CGGBP1: variants seen among roughly 807,000 people sequenced by gnomAD.
CGGBP1 encodes CGG triplet repeat-binding protein 1.
A neutral mutation model predicts 11.4 loss-of-function variants in CGGBP1; 4 were observed. The observed-to-expected ratio is 0.35, with a 90% CI of 0.17 to 0.80. The LOEUF is 0.80. Ranked by LOEUF, CGGBP1 falls within the 30% of genes least tolerant of loss-of-function variation. CGGBP1 has a pLI of 0.52. For missense variants in CGGBP1, 135 were observed against 202.1 expected (o/e 0.67, Z 2.01); for synonymous variants, 76 against 74.1 (o/e 1.03, Z -0.13).
At chr3:88,068,053 C>T (rs139170884) in intron 2 of CGGBP1, among the ~76,000 whole-genome samples, 2 of 152,092 alleles carry the variant, frequency 1.3e-5, no homozygotes, top group East Asian at 3.9e-4. Flanking sequence ...AGGGGTGTTG[C>T]TTTATATAGG....
rs967282825 is a variant in CGGBP1 at position 88,058,940 on chromosome 3, T to C, written c.-456A>G. 34 of 202,432 alleles carry C rather than the reference T, an allele frequency of 1.7e-4. No homozygotes were observed. The Admixed American group carries it at 2.0e-3, about 12-fold the overall frequency. 12.5% of individuals were successfully genotyped at this position (202,432 alleles called of 1,614,324 possible). On this transcript the variant is annotated 5_prime_UTR_variant, in exon 1 of 4. Transcript: ENST00000482016. ...CCGTCGCTGCCGCCGTCGCCGCCGT[T>C]GCCCGATCGAGCCCCGCGGCGGCCG...
chr3:88,066,589 A>G (rs75385040), intron 2 of CGGBP1, among the ~76,000 whole-genome samples: 1 of 151,746 alleles, frequency 6.6e-6, no homozygotes, highest in Non-Finnish European at 1.5e-5. Context: ...CAAAAAAAAC[A>G]AAAAAACCTC....
intron 2 of CGGBP1, among the ~76,000 whole-genome samples, chr3:88,107,010 A>G (rs1238731102): frequency 6.6e-6 from 1 of 152,200 alleles, no homozygotes; most frequent in African/African-American, 2.4e-5. Flanking sequence ...TTAATTATAG[A>G]GGCTTTACAA....
chr3:88,059,540 C>T (rs747811840), upstream of CGGBP1: 44 of 1,456,990 alleles, frequency 3.0e-5, no homozygotes, highest in Middle Eastern at 7.1e-4. Context: ...ACTTGTCACC[C>T]GGGTCCTGGG....
Position 88,140,944 on chromosome 3 carries a change from G to T in CGGBP1, c.-229+26C>A. The T allele has an allele frequency of 6.2e-7, 1 of 1,613,496 alleles. No homozygotes were observed. The highest frequency in any genetic ancestry group is 8.5e-7 in the Non-Finnish European group (1 of 1,179,600). On this transcript the variant is annotated intron_variant, in intron 2 of 3. Transcript: ENST00000462901. ...TATAAAAAATCAGTGAAAAGATTAA[G>T]ATGTGGCAAATGCCTGACCACCTAC...
intron 2 of CGGBP1, among the ~76,000 whole-genome samples, chr3:88,127,708 G>A (rs1164259335): frequency 1.3e-5 from 2 of 152,112 alleles, no homozygotes; most frequent in African/African-American, 4.8e-5. Flanking sequence ...TTGTTCGTTC[G>A]TCTGAGGGCT....
chr3:88,059,942 C>T (rs1427886837), upstream of CGGBP1, among the ~76,000 whole-genome samples: 2 of 151,926 alleles, frequency 1.3e-5, no homozygotes, highest in African/African-American at 4.8e-5. Flanking sequence ...CCTTTTTTTC[C>T]GGGATGGGAG....
At chr3:88,081,015 C>T (rs1181118997) in intron 2 of CGGBP1, among the ~76,000 whole-genome samples, 7 of 152,182 alleles carry the variant, frequency 4.6e-5, no homozygotes, top group Non-Finnish European at 4.4e-5. Flanking sequence ...TCCTTAGTCT[C>T]TTCCAGCCTG....
intron 2 of CGGBP1, among the ~76,000 whole-genome samples, chr3:88,081,477 G>C (rs554808888): frequency 6.6e-6 from 1 of 152,128 alleles, no homozygotes; most frequent in African/African-American, 2.4e-5. Context: ...CTGCCTAATG[G>C]TGCTTCTCTG....
Position 88,058,880 on chromosome 3 carries a change from GA to G in CGGBP1, c.-397del, listed in dbSNP as rs1310808311. 1.2e-5 allele frequency: 2 copies of G among 161,444 alleles called. No individual in the cohort carries two copies. The highest frequency in any genetic ancestry group is 2.7e-5 in the Non-Finnish European group (2 of 74,444). The allele number at this position is 161,444 out of a possible 1,614,324, so 10.0% of individuals were successfully genotyped here. On this transcript the variant is annotated 5_prime_UTR_variant, in exon 1 of 4. Transcript: ENST00000482016. Reference sequence around the variant, plus strand: ...CGGCCGGAAAGGAAAAGAAAAGGAAGAAAGAGGAGCAAGGGAATAAGGGAGG... The same window carrying G: ...CGGCCGGAAAGGAAAAGAAAAGGAAGAAGAGGAGCAAGGGAATAAGGGAGG...
At position 88,053,119 on chromosome 3, in the gene CGGBP1, A is replaced by G. The variant is rs1043112903; in HGVS notation, c.*2354T>C. ...ATTGAAAACTTCTGTACACACGTTC[A>G]CTACACCTCCAAAGCAGCATATGCC... On this transcript the variant is annotated 3_prime_UTR_variant, in exon 4 of 4. Coordinates refer to ENST00000482016, the MANE Select transcript of CGGBP1 (RefSeq NM_001008390.2). 6.6e-6 allele frequency: 1 copy of G among 152,498 alleles called. No homozygotes were observed. Among genetic ancestry groups the G allele is most frequent in the African/African-American group, 2.4e-5 (1 of 41,466 alleles). The allele number at this position is 152,498 out of a possible 1,614,324, so 9.4% of individuals were successfully genotyped here.
intron 2 of CGGBP1, among the ~76,000 whole-genome samples, chr3:88,118,443 G>A (rs1323065753): frequency 6.6e-6 from 1 of 152,038 alleles, no homozygotes; most frequent in African/African-American, 2.4e-5. Context: ...CTCCTTTGTG[G>A]GGCAAGTGTT....
chr3:88,068,655 A>G (rs1707334449), intron 2 of CGGBP1, among the ~76,000 whole-genome samples: 1 of 152,176 alleles, frequency 6.6e-6, no homozygotes, highest in Non-Finnish European at 1.5e-5. Flanking sequence ...TATGCTGTAT[A>G]TATGTATATA....
intron 1 of CGGBP1, chr3:88,143,680 T>G (rs1707230828): frequency 6.6e-6 from 1 of 152,348 alleles, no homozygotes; most frequent in African/African-American, 2.4e-5. Context: ...TCAAATATAT[T>G]CCATTTGTAA....
chr3:88,059,316 C>T (rs1370490124), upstream of CGGBP1: 5 of 1,533,274 alleles, frequency 3.3e-6, no homozygotes, highest in Admixed American at 7.9e-5. Flanking sequence ...GCGGCGAGAG[C>T]CTCATGGCGG....
chr3:88,138,879 T>A, intron 2 of CGGBP1: 2 of 1,232,140 alleles, frequency 1.6e-6, no homozygotes, highest in African/African-American at 1.5e-5. Flanking sequence ...TCTGGAGCGC[T>A]CCTTAGAAGC....
chr3:88,061,110 T>C (rs568106230), upstream of CGGBP1, among the ~76,000 whole-genome samples: 1 of 152,278 alleles, frequency 6.6e-6, no homozygotes, highest in East Asian at 1.9e-4. Context: ...TTTGTAACTA[T>C]ACCTTTTACA....
intron 2 of CGGBP1, among the ~76,000 whole-genome samples, chr3:88,094,057 C>T (rs1422517336): frequency 2.0e-4 from 31 of 151,628 alleles, no homozygotes; most frequent in Middle Eastern, 3.4e-3. Context: ...AAATCTAGGT[C>T]GTCTAGCGTT....
chr3:88,131,342 A>G (rs1429578178), intron 2 of CGGBP1, among the ~76,000 whole-genome samples: 1 of 152,134 alleles, frequency 6.6e-6, no homozygotes, highest in African/African-American at 2.4e-5. Flanking sequence ...AAGTATTATC[A>G]TTTTTTGACA....
Sources: gnomAD v4.1 joint callset for allele counts (sites outside exome capture counted in the v4.1 genomes callset) on GRCh38, gnomAD v4.1.1 for gene constraint, MANE v1.5 for transcripts, NCBI Gene and HGNC (gene_info 2026-07-23, HGNC 2026-07-21) for gene names.